Variants in ARMH1 observed in about 807,000 individuals in gnomAD.
ARMH1 encodes the protein armadillo like helical domain containing 1.
ARMH1 carries 34 observed loss-of-function variants against 50.2 expected under a neutral mutation model. The ratio of observed to expected loss-of-function variants is 0.68; its 90% CI spans 0.51 to 0.90. The LOEUF (loss-of-function observed/expected upper bound fraction) is 0.90. ARMH1 is among the 40% of genes least tolerant of loss of function. ARMH1 has a pLI of 0.00. For missense variants in ARMH1, 538 were observed against 553.9 expected, an observed-to-expected ratio of 0.97 and a Z score of 0.29; for synonymous variants, 221 against 224.2, an observed-to-expected ratio of 0.99 and a Z score of 0.13.
chr1:44,696,679 G>A (rs908384530), intron 2 of ARMH1, among the ~76,000 whole-genome samples: 1 of 152,158 alleles, frequency 6.6e-6, no homozygotes, highest in Non-Finnish European at 1.5e-5. Flanking sequence ...CAAAAATTGA[G>A]AATTAATGAT....
At chr1:44,715,690 G>T (rs1383130764) in intron 6 of ARMH1, among the ~76,000 whole-genome samples, 1 of 152,098 alleles carries the variant, frequency 6.6e-6, no homozygotes, top group Non-Finnish European at 1.5e-5. Flanking sequence ...CTCCTGAGTA[G>T]CTGGGATTAC....
At position 44,724,903 on chromosome 1, in the gene ARMH1, T is replaced by A. The variant is rs1648049966; in HGVS notation, c.1128+64T>A. On this transcript the variant is annotated intron_variant, in intron 10 of 11. Coordinates refer to ENST00000535358, the MANE Select transcript of ARMH1 (RefSeq NM_001145636.2). The surrounding 1 kb of genome is among the most constrained non-coding windows in gnomAD (Gnocchi z 6.4). Reference sequence around the variant, plus strand: ...GGCGGCTCGGACAGTGTGATGCCCCTTCAGACAGTCCCCATCCTGGAGCGC... The same window carrying A: ...GGCGGCTCGGACAGTGTGATGCCCCATCAGACAGTCCCCATCCTGGAGCGC... 2 of 1,519,882 alleles carry A rather than the reference T, an allele frequency of 1.3e-6. No homozygotes were observed. The highest frequency in any genetic ancestry group is 2.8e-5 in the African/African-American group (2 of 72,634). The allele number at this position is 1,519,882 out of a possible 1,614,324, so 94.1% of individuals were successfully genotyped here. A position where few individuals can be genotyped will look rare whatever the true frequency, so the allele number is the denominator to read the frequency against.
intron 6 of ARMH1, among the ~76,000 whole-genome samples, chr1:44,719,025 GAAAAAAAAAAAA>G (rs35822364): frequency 5.1e-5 from 4 of 78,636 alleles, no homozygotes; most frequent in African/African-American, 2.0e-4. Context: ...AACTGTCTCG[GAAAAAAAAAAAA>G]AAAAAAAAAA....
chr1:44,693,925 CTCT>C (rs937276139), intron 2 of ARMH1, among the ~76,000 whole-genome samples: 3 of 152,198 alleles, frequency 2.0e-5, no homozygotes, highest in Non-Finnish European at 2.9e-5. Context: ...AAGCTGTCCT[CTCT>C]TCTACCTTTT....
At position 44,675,562 on chromosome 1, in the gene ARMH1, C is replaced by G. The variant is rs184308894; in HGVS notation, c.-23+689C>G. ...CCTGAAGTCCCAGCTACTTGGAAAGCTGAGGTGGGAGGATCACTTGAGTCA... is the reference window on the plus strand; with the variant it reads ...CCTGAAGTCCCAGCTACTTGGAAAGGTGAGGTGGGAGGATCACTTGAGTCA... On this transcript the variant is annotated intron_variant, in intron 1 of 11. Transcript: ENST00000535358. Among the ~76,000 whole-genome samples, 18 of 152,236 alleles carry G rather than the reference C, an allele frequency of 1.2e-4. No homozygotes were observed. The East Asian group carries it at 3.5e-3, about 29-fold the overall frequency.
At chr1:44,685,716 A>C (rs1428745980) in intron 1 of ARMH1, among the ~76,000 whole-genome samples, 5 of 150,088 alleles carry the variant, frequency 3.3e-5, no homozygotes, top group African/African-American at 2.5e-5. Context: ...CAACCTCCAC[A>C]TCCTGGGTTC....
chr1:44,724,569 C>T lies in ARMH1; in HGVS notation c.951C>T (p.Ala317=), dbSNP rs1450288717. The T allele has an allele frequency of 6.6e-7, 1 of 1,515,636 alleles. No individual in the cohort carries two copies. Among genetic ancestry groups the T allele is most frequent in the Non-Finnish European group, 8.8e-7 (1 of 1,134,476 alleles). The allele number at this position is 1,515,636 out of a possible 1,614,324, so 93.9% of individuals were successfully genotyped here. The change falls in exon 9 of 12, where the codon GCC becomes GCT. Residue 317 remains alanine (A), a synonymous_variant. Transcript: ENST00000535358. The surrounding 1 kb of genome is among the most constrained non-coding windows in gnomAD (Gnocchi z 6.4). The part of the protein sequence containing the change: ...GVLARNDMSI[A]EELLYLRVVR... ...TGGCGCGCAACGACATGAGCATCGC[C>T]GAGGAGCTGCTGTACCTGCGCGTGG...
chr1:44,704,450 G>A (rs1201018399), intron 6 of ARMH1, among the ~76,000 whole-genome samples: 2 of 152,102 alleles, frequency 1.3e-5, no homozygotes, highest in South Asian at 2.1e-4. Context: ...AAATCACCCT[G>A]AGGAATGTCC....
At chr1:44,676,669 G>A (rs541129994) in intron 1 of ARMH1, among the ~76,000 whole-genome samples, 1 of 152,330 alleles carries the variant, frequency 6.6e-6, no homozygotes, top group African/African-American at 2.4e-5. Flanking sequence ...GAAGTTGTTG[G>A]TGACCTTTAC....
At chr1:44,700,145 C>T (rs1167657541) in intron 4 of ARMH1, among the ~76,000 whole-genome samples, 1 of 151,564 alleles carries the variant, frequency 6.6e-6, no homozygotes, top group African/African-American at 2.4e-5. Context: ...CTCCCTTTTT[C>T]AAAGCACTTC....
intron 6 of ARMH1, among the ~76,000 whole-genome samples, chr1:44,709,999 A>G (rs1200900831): frequency 2.0e-5 from 3 of 152,188 alleles, no homozygotes; most frequent in Non-Finnish European, 2.9e-5. Context: ...TCAAATGATC[A>G]TTTCATATAT....
At chr1:44,676,507 C>T (rs905578503) in intron 1 of ARMH1, among the ~76,000 whole-genome samples, 1 of 152,146 alleles carries the variant, frequency 6.6e-6, no homozygotes, top group African/African-American at 2.4e-5. Context: ...GGAGGACGAA[C>T]CTGCAAAGGT....
chr1:44,721,052 A>C (rs1647089549), intron 6 of ARMH1, among the ~76,000 whole-genome samples: 1 of 150,294 alleles, frequency 6.7e-6, no homozygotes, highest in Admixed American at 6.6e-5. Flanking sequence ...AAAACAAAAC[A>C]AAAAAAGGGC....
chr1:44,695,591 A>T (rs1171417963), intron 2 of ARMH1, among the ~76,000 whole-genome samples: 1 of 151,982 alleles, frequency 6.6e-6, no homozygotes, highest in African/African-American at 2.4e-5. Context: ...GAAGTTCAAA[A>T]CCAGCCTGGG....
In ARMH1 at chr1:44,681,291, G is replaced by A. The variant is rs553743564; in HGVS notation, c.-23+6418G>A. Among the ~76,000 whole-genome samples the A allele has an allele frequency of 5.3e-5, 8 of 152,182 alleles. No individual in the cohort carries two copies. The highest frequency in any genetic ancestry group is 1.9e-4 in the East Asian group (1 of 5,162). On this transcript the variant is annotated intron_variant, in intron 1 of 11. Transcript: ENST00000535358. This position sits in a 1 kb window ranked among gnomAD's most constrained non-coding sequence, Gnocchi z 4.3. Reference sequence around the variant, plus strand: ...ATTACAAGCGTGAGCCACTGCGCCCGGCCGTGAGGCTCCATTTCTAAAAAA... The same window carrying A: ...ATTACAAGCGTGAGCCACTGCGCCCAGCCGTGAGGCTCCATTTCTAAAAAA...
At chr1:44,716,041 C>A (rs1213282886) in intron 6 of ARMH1, among the ~76,000 whole-genome samples, 1 of 152,210 alleles carries the variant, frequency 6.6e-6, no homozygotes, top group African/African-American at 2.4e-5. Context: ...ATACTCTCAT[C>A]CTCCTTCCCA....
chr1:44,709,460 C>A (rs1006217236), intron 6 of ARMH1, among the ~76,000 whole-genome samples: 2 of 152,118 alleles, frequency 1.3e-5, no homozygotes, highest in Non-Finnish European at 2.9e-5. Context: ...ATCACGAGGT[C>A]AGGAGATCGA....
At chr1:44,720,898 G>C (rs557577505) in intron 6 of ARMH1, among the ~76,000 whole-genome samples, 1 of 152,018 alleles carries the variant, frequency 6.6e-6, no homozygotes, top group Non-Finnish European at 1.5e-5. Context: ...TTAGCCAGGC[G>C]TGGTGGTGCG....
chr1:44,688,721 T>G (rs1216312300), intron 1 of ARMH1, among the ~76,000 whole-genome samples: 1 of 152,226 alleles, frequency 6.6e-6, no homozygotes, highest in African/African-American at 2.4e-5. Flanking sequence ...CACTAACATT[T>G]GTTATGGATA....
Sources: allele counts gnomAD v4.1 joint callset (sites outside exome capture counted in the v4.1 genomes callset), GRCh38; gene constraint gnomAD v4.1.1; non-coding constraint Gnocchi (gnomAD v3.1); transcripts MANE v1.5; gene names NCBI Gene and HGNC (gene_info 2026-07-23, HGNC 2026-07-21).